The following MYO9A variants were observed in gnomAD, a reference collection of about 807,000 sequenced individuals.
The protein encoded by MYO9A is myosin IXA.
MYO9A carries 103 observed loss-of-function variants against 293.3 expected under a neutral mutation model. The ratio of observed to expected loss-of-function variants is 0.35; its 90% CI spans 0.30 to 0.41. The LOEUF (loss-of-function observed/expected upper bound fraction) is 0.41. MYO9A is among the 10% of genes least tolerant of loss of function. MYO9A has a pLI of 1.00. For missense variants in MYO9A, 2,685 were observed against 3,033.0 expected (o/e 0.89, Z 2.69); for synonymous variants, 1,001 against 1,035.7 (o/e 0.97, Z 0.64).
At chr15:71,849,354 C>T (rs1372471484) in intron 38 of MYO9A, among the ~76,000 whole-genome samples, 1 of 152,118 alleles carries the variant, frequency 6.6e-6, no homozygotes, top group Non-Finnish European at 1.5e-5. Flanking sequence ...GAGGCTGAGG[C>T]ACGAGAATCG....
In MYO9A at chr15:71,997,002, G is replaced by A. The variant is rs572941308; in HGVS notation, c.1471-2417C>T. 7.2e-5 allele frequency among the ~76,000 whole-genome samples: 11 copies of A among 151,910 alleles called. No homozygotes were observed. In the East Asian group the frequency reaches 2.1e-3, roughly 30 times the overall value. On this transcript the variant is annotated intron_variant, in intron 9 of 41. Transcript: ENST00000356056. ...AAACCAGTTTATTTTTTAATCAAAG[G>A]GAGATCACCCCAGACTTATGACCCA...
intron 1 of MYO9A, among the ~76,000 whole-genome samples, chr15:72,054,813 G>C (rs966560398): frequency 6.7e-6 from 1 of 149,234 alleles, no homozygotes; most frequent in Non-Finnish European, 1.5e-5. Context: ...TGAAGAAAAA[G>C]AAGGTCTAAC....
At chr15:72,110,280 A>G (rs1488675294) in intron 1 of MYO9A, among the ~76,000 whole-genome samples, 1 of 151,906 alleles carries the variant, frequency 6.6e-6, no homozygotes, top group Admixed American at 6.6e-5. Context: ...TACTAAAAAT[A>G]CAAAAATTAG....
intron 15 of MYO9A, among the ~76,000 whole-genome samples, chr15:71,948,950 G>A (rs1211445738): frequency 1.9e-5 from 1 of 53,172 alleles, no homozygotes; most frequent in Non-Finnish European, 5.1e-5. Context: ...AATTTTTTTT[G>A]TGAGGGGGGG....
At chr15:72,097,710 C>T (rs1379056180) in intron 1 of MYO9A, among the ~76,000 whole-genome samples, 1 of 152,098 alleles carries the variant, frequency 6.6e-6, no homozygotes, top group Non-Finnish European at 1.5e-5. Flanking sequence ...GAGATCAAGA[C>T]CATCCTGGCC....
At chr15:72,067,580 C>T (rs1187127137) in intron 1 of MYO9A, among the ~76,000 whole-genome samples, 1 of 152,048 alleles carries the variant, frequency 6.6e-6, no homozygotes, top group African/African-American at 2.4e-5. Context: ...CATGCCCAGC[C>T]TCCAATATTT....
Position 72,062,791 on chromosome 15 carries a change from G to A in MYO9A, c.-71-16157C>T, listed in dbSNP as rs182555146. ...CCCAGCAATTTGGGAGGCCAAGGTG[G>A]AAGGATTACTTGGGCCCAGGAGTTC... On this transcript the variant is annotated intron_variant, in intron 1 of 41. Transcript: ENST00000356056. Among the ~76,000 whole-genome samples, 185 of 152,310 alleles carry A rather than the reference G, an allele frequency of 1.2e-3. 1 individual carries two copies. The highest frequency in any genetic ancestry group is 4.0e-3 in the African/African-American group (166 of 41,564).
chr15:71,826,599 T>G lies in MYO9A; in HGVS notation c.7628A>C (p.Asn2543Thr). The change falls in exon 42 of 42, where the codon AAT becomes ACT. Residue 2543 changes from asparagine (N) to threonine (T), a missense_variant. Physicochemically the swap from Asn to Thr is moderately conservative, Grantham distance 65 (BLOSUM62 0). Around this residue, in one of 10 missense-constraint regions of MYO9A, gnomAD observed 350 missense variants for 328.9 expected, o/e 1.06. Coordinates refer to ENST00000356056, the MANE Select transcript of MYO9A (RefSeq NM_006901.4). ...GCCGGTTCAGACCATAAATTCATTATTTCCAAAGAGTGCTAGCTGTTGGTT... is the reference window on the plus strand; with the variant it reads ...GCCGGTTCAGACCATAAATTCATTAGTTCCAAAGAGTGCTAGCTGTTGGTT... ...TSNQQLALFG[N>T]NEFMV The G allele has an allele frequency of 6.3e-7, 1 of 1,595,590 alleles. No individual in the cohort carries two copies. The highest frequency in any genetic ancestry group is 8.5e-7 in the Non-Finnish European group (1 of 1,174,026).
At chr15:71,924,940 A>G (rs556783099) in intron 18 of MYO9A, among the ~76,000 whole-genome samples, 2 of 152,164 alleles carry the variant, frequency 1.3e-5, no homozygotes, top group Admixed American at 1.3e-4. Flanking sequence ...AAAAAAAGAA[A>G]AAGAAAAAAA....
At chr15:71,907,178 G>A (rs1355297661) in intron 19 of MYO9A, among the ~76,000 whole-genome samples, 7 of 150,336 alleles carry the variant, frequency 4.7e-5, no homozygotes, top group Non-Finnish European at 8.8e-5. Flanking sequence ...CCACCTATGA[G>A]GGAGAATATG....
At chr15:71,903,362 CT>C (rs1235771760) in intron 21 of MYO9A, among the ~76,000 whole-genome samples, 3 of 151,980 alleles carry the variant, frequency 2.0e-5, no homozygotes, top group Admixed American at 2.0e-4. Context: ...TAACAAGACC[CT>C]AAAATTTCTA....
At position 71,991,167 on chromosome 15, in the gene MYO9A, C is replaced by G. The variant is rs777351425; in HGVS notation, c.1658G>C (p.Cys553Ser). ...DYENNSFEQF[C>S]INFANERLQH... is the part of the protein sequence containing the mutation. ...TAAACGTTCATTAGCAAAATTAATA[C>G]AGAACTGTTCAAAGCTGTTATTTTC... The change falls in exon 11 of 42, where the codon TGT becomes TCT. Residue 553 changes from cysteine (C) to serine (S), a missense_variant. Physicochemically the swap from Cys to Ser is moderately radical, Grantham distance 112 (BLOSUM62 -1). This residue lies in a region of MYO9A where 201 missense variants were observed against 245.2 expected (regional missense o/e 0.82). Coordinates refer to ENST00000356056, the MANE Select transcript of MYO9A (RefSeq NM_006901.4). 1.2e-6 allele frequency: 2 copies of G among 1,608,914 alleles called. No individual in the cohort carries two copies. The highest frequency in any genetic ancestry group is 1.7e-6 in the Non-Finnish European group (2 of 1,177,422).
intron 1 of MYO9A, among the ~76,000 whole-genome samples, chr15:72,115,733 T>C (rs1371010138): frequency 6.6e-6 from 1 of 152,234 alleles, no homozygotes; most frequent in Non-Finnish European, 1.5e-5. Flanking sequence ...TCACAGCTAG[T>C]CACACTGTGG....
At chr15:71,915,832 A>G (rs982546883) in intron 19 of MYO9A, among the ~76,000 whole-genome samples, 2 of 152,182 alleles carry the variant, frequency 1.3e-5, no homozygotes, top group Non-Finnish European at 2.9e-5. Context: ...ATGATTTGAG[A>G]AGAATGGAAG....
At chr15:71,967,686 G>T (rs2075911585) in intron 13 of MYO9A, among the ~76,000 whole-genome samples, 1 of 152,134 alleles carries the variant, frequency 6.6e-6, no homozygotes, top group African/African-American at 2.4e-5. Flanking sequence ...AACAAATTAT[G>T]TGCATAAACA....
At chr15:71,854,126 C>T (rs1471533496) in intron 35 of MYO9A, among the ~76,000 whole-genome samples, 3 of 152,170 alleles carry the variant, frequency 2.0e-5, no homozygotes, top group Non-Finnish European at 4.4e-5. Context: ...CACAATCTTA[C>T]TAAATTATTA....
At chr15:72,062,489 TAAC>T (rs1162988154) in intron 1 of MYO9A, among the ~76,000 whole-genome samples, 14 of 152,122 alleles carry the variant, frequency 9.2e-5, no homozygotes, top group African/African-American at 3.1e-4. Context: ...CAGATAAACT[TAAC>T]AAAGACTAAA....
At chr15:72,032,434 G>C (rs1323643081) in intron 3 of MYO9A, 60 bp downstream of exon 3, 1 of 1,088,494 alleles carries the variant, frequency 9.2e-7, no homozygotes, top group Non-Finnish European at 1.3e-6. Flanking sequence ...TTTATAAAAG[G>C]GTAAAGACAA....
chr15:72,088,167 T>A (rs941874267), intron 1 of MYO9A, among the ~76,000 whole-genome samples: 7 of 152,128 alleles, frequency 4.6e-5, no homozygotes, highest in African/African-American at 1.2e-4. Context: ...GAAAATAAAT[T>A]TTTGTTTTTT....
Sources: allele counts gnomAD v4.1 joint callset (sites outside exome capture counted in the v4.1 genomes callset), GRCh38; gene constraint gnomAD v4.1.1; regional missense constraint gnomAD v4.1.1; transcripts MANE v1.5; gene names NCBI Gene and HGNC (gene_info 2026-07-23, HGNC 2026-07-21).